Variants in NEBL observed in about 807,000 individuals in gnomAD.
NEBL encodes LIM and SH3 protein 2.
A neutral mutation model predicts 140.2 loss-of-function variants in NEBL; 122 were observed. The ratio of observed to expected loss-of-function variants is 0.87; its 90% confidence interval spans 0.75 to 1.01. The LOEUF (loss-of-function observed/expected upper bound fraction) is 1.01. NEBL is among the 50% of genes least tolerant of loss of function. The pLI, the probability that NEBL is intolerant of heterozygous loss-of-function variation, is 0.00. For missense variants in NEBL, 1,365 were observed against 1,231.3 expected, an observed-to-expected ratio of 1.11 and a Z score of -1.62; for synonymous variants, 436 against 398.9, an observed-to-expected ratio of 1.09 and a Z score of -1.11.
chr10:21,041,589 A>G (rs936815760), intron 2 of NEBL, among the ~76,000 whole-genome samples: 3 of 152,232 alleles, frequency 2.0e-5, no homozygotes, highest in Admixed American at 2.0e-4. Flanking sequence ...TTTGAGATTT[A>G]AAATCACTAG....
intron 2 of NEBL, among the ~76,000 whole-genome samples, chr10:20,894,595 A>G (rs1198606253): frequency 1.3e-5 from 2 of 152,014 alleles, no homozygotes; most frequent in African/African-American, 4.8e-5. Context: ...CGGAAGCAAA[A>G]TGTGAATGTG....
intron 17 of NEBL, among the ~76,000 whole-genome samples, chr10:20,827,794 C>T (rs541726342): frequency 6.6e-6 from 1 of 152,142 alleles, no homozygotes; most frequent in Admixed American, 6.6e-5. Flanking sequence ...GAGCTAGATG[C>T]CATTATACTT....
intron 2 of NEBL, among the ~76,000 whole-genome samples, chr10:21,140,175 A>G (rs1257358566): frequency 1.3e-5 from 2 of 152,100 alleles, no homozygotes; most frequent in Admixed American, 1.3e-4. Context: ...TAAATGTAAA[A>G]TAATAATAAT....
At chr10:20,921,992 T>C (rs1833610846) in intron 4 of NEBL, among the ~76,000 whole-genome samples, 1 of 152,228 alleles carries the variant, frequency 6.6e-6, no homozygotes, top group Non-Finnish European at 1.5e-5. Context: ...AAAATGCACT[T>C]TTTTGGAAAG....
At chr10:20,947,681 T>TCACACACACACACA (rs5783757) in intron 4 of NEBL, among the ~76,000 whole-genome samples, 22 of 144,182 alleles carry the variant, frequency 1.5e-4, no homozygotes, top group African/African-American at 4.4e-4. Context: ...TACTGAGAAA[T>TCACACACACACACA]CACACACACA....
At chr10:21,206,707 G>T (rs954223228) in intron 3 of NEBL, among the ~76,000 whole-genome samples, 11 of 152,170 alleles carry the variant, frequency 7.2e-5, no homozygotes, top group African/African-American at 2.7e-4. Context: ...TCGAGAGTTT[G>T]GGAGTGGGCT....
rs187152864 is a variant in NEBL at position 20,915,740 on chromosome 10, G to C, written c.357+45932C>G. Reference sequence around the variant, plus strand: ...TACATGTGCATGTGTCTTTATAGCAGCATGATTTATAGTCCTTTGGGTATA... The same window carrying C: ...TACATGTGCATGTGTCTTTATAGCACCATGATTTATAGTCCTTTGGGTATA... On this transcript the variant is annotated intron_variant, in intron 4 of 6. Transcript: ENST00000417816. Among the ~76,000 whole-genome samples, 771 of 152,176 alleles carry C rather than the reference G, an allele frequency of 5.1e-3. 6 individuals carry two copies. The highest frequency in any genetic ancestry group is 0.018 in the African/African-American group (743 of 41,482).
At chr10:21,112,836 T>A in intron 2 of NEBL, 1 of 228,432 alleles carries the variant, frequency 4.4e-6, no homozygotes, top group Admixed American at 4.4e-5. Flanking sequence ...AGTCTTACAG[T>A]TGAAGTGTGG....
intron 26 of NEBL, among the ~76,000 whole-genome samples, chr10:20,801,122 G>A (rs1384373313): frequency 4.6e-5 from 7 of 151,960 alleles, no homozygotes; most frequent in East Asian, 1.9e-4. Context: ...GCTCTCTCTC[G>A]TCTACCCTTT....
chr10:21,102,656 T>A (rs1837527159), intron 2 of NEBL, among the ~76,000 whole-genome samples: 1 of 152,208 alleles, frequency 6.6e-6, no homozygotes, highest in Admixed American at 6.5e-5. Context: ...TATTGATATT[T>A]CCTTTTCATT....
intron 3 of NEBL, among the ~76,000 whole-genome samples, chr10:21,017,212 T>C (rs1838590692): frequency 6.6e-6 from 1 of 152,216 alleles, no homozygotes; most frequent in Non-Finnish European, 1.5e-5. Flanking sequence ...ATCATTGAAG[T>C]TGTTTATGAT....
chr10:21,040,521 G>A (rs1213232978), intron 2 of NEBL, among the ~76,000 whole-genome samples: 1 of 152,060 alleles, frequency 6.6e-6, no homozygotes, highest in East Asian at 1.9e-4. Flanking sequence ...GGAGATGCCA[G>A]ACTCCTTTAA....
intron 2 of NEBL, among the ~76,000 whole-genome samples, chr10:21,069,186 G>C (rs1489814006): frequency 6.6e-6 from 1 of 152,140 alleles, no homozygotes; most frequent in East Asian, 1.9e-4. Flanking sequence ...ACCACACCTG[G>C]CCCATCATAA....
intron 1 of NEBL, among the ~76,000 whole-genome samples, chr10:21,277,831 T>C (rs1427596181): frequency 6.6e-6 from 1 of 152,154 alleles, no homozygotes; most frequent in Non-Finnish European, 1.5e-5. Context: ...CTTTCTTTCT[T>C]TTTTAAGAGA....
intron 2 of NEBL, among the ~76,000 whole-genome samples, chr10:21,053,465 T>C (rs1275921332): frequency 6.6e-6 from 1 of 152,238 alleles, no homozygotes; most frequent in Non-Finnish European, 1.5e-5. Flanking sequence ...TTCAGGCAGT[T>C]TCTTCTTCTT....
At chr10:21,027,268 A>C (rs1833543226) in intron 2 of NEBL, among the ~76,000 whole-genome samples, 1 of 151,840 alleles carries the variant, frequency 6.6e-6, no homozygotes, top group Non-Finnish European at 1.5e-5. Flanking sequence ...TTCATAAAGG[A>C]AGAAGTATAC....
chr10:20,792,184 T>C (rs1836065410), intron 26 of NEBL, among the ~76,000 whole-genome samples: 1 of 150,456 alleles, frequency 6.6e-6, no homozygotes, highest in African/African-American at 2.4e-5. Context: ...TAACTATAGA[T>C]GTAATGTGAA....
At chr10:21,224,729 A>C (rs1842121026) in intron 3 of NEBL, among the ~76,000 whole-genome samples, 1 of 152,168 alleles carries the variant, frequency 6.6e-6, no homozygotes, top group South Asian at 2.1e-4. Flanking sequence ...TTCTTTGGTT[A>C]AGTTGATTCC....
intron 3 of NEBL, among the ~76,000 whole-genome samples, chr10:20,983,899 G>A (rs1423161869): frequency 2.0e-5 from 3 of 152,024 alleles, no homozygotes; most frequent in Non-Finnish European, 4.4e-5. Flanking sequence ...AATGCCTCAG[G>A]GAACTGGTAT....
Sources: allele counts gnomAD v4.1 joint callset (sites outside exome capture counted in the v4.1 genomes callset), GRCh38; gene constraint gnomAD v4.1.1; transcripts MANE v1.5; gene names NCBI Gene and HGNC (gene_info 2026-07-23, HGNC 2026-07-21).